Variants in STPG4 observed in about 807,000 individuals in gnomAD.
STPG4 encodes the protein protein STPG4.
A neutral mutation model predicts 31.5 loss-of-function variants in STPG4; 41 were observed. That is an observed-to-expected ratio of 1.30 (90% CI 1.01 to 1.69). The LOEUF (loss-of-function observed/expected upper bound fraction) is 1.69. Ranked by LOEUF, STPG4 falls within the 40% of genes most tolerant of loss-of-function variation. The pLI is 0.00. For missense variants in STPG4, 375 were observed against 293.4 expected, an observed-to-expected ratio of 1.28 and a Z score of -2.03; for synonymous variants, 141 against 103.0, an observed-to-expected ratio of 1.37 and a Z score of -2.24.
chr2:47,094,471 G>T (rs2103729380), intron 5 of STPG4, among the ~76,000 whole-genome samples: 1 of 152,258 alleles, frequency 6.6e-6, no homozygotes, highest in East Asian at 1.9e-4. Context: ...ATTTAATTGT[G>T]CTTTTATTTG....
chr2:47,124,275 G>A (rs946188851), intron 5 of STPG4, among the ~76,000 whole-genome samples: 1 of 152,084 alleles, frequency 6.6e-6, no homozygotes, highest in East Asian at 1.9e-4. Flanking sequence ...GTGAGCCACC[G>A]TGCCCAGCCA....
chr2:47,143,139 G>A (rs930969158), intron 3 of STPG4, among the ~76,000 whole-genome samples: 3 of 152,006 alleles, frequency 2.0e-5, no homozygotes, highest in Admixed American at 1.3e-4. Context: ...CTCAACATTT[G>A]TAATGGTTGC....
intron 6 of STPG4, among the ~76,000 whole-genome samples, chr2:47,087,891 G>C (rs1397306642): frequency 6.6e-6 from 1 of 151,972 alleles, no homozygotes; most frequent in Non-Finnish European, 1.5e-5. Flanking sequence ...TGGGATTACA[G>C]GTGCCCGCCA....
intron 2 of STPG4, among the ~76,000 whole-genome samples, chr2:47,152,553 C>T (rs1207007449): frequency 6.6e-6 from 1 of 152,166 alleles, no homozygotes; most frequent in African/African-American, 2.4e-5. Flanking sequence ...CATATATTAC[C>T]ATTTTGCTTT....
At chr2:47,099,773 C>A (rs772399913) in intron 5 of STPG4, among the ~76,000 whole-genome samples, 1 of 152,248 alleles carries the variant, frequency 6.6e-6, no homozygotes, top group Non-Finnish European at 1.5e-5. Flanking sequence ...GTGGCGCTTG[C>A]GGGCCAGCTG....
At chr2:47,088,431 A>G (rs1685503469) in intron 6 of STPG4, among the ~76,000 whole-genome samples, 1 of 152,222 alleles carries the variant, frequency 6.6e-6, no homozygotes, top group Non-Finnish European at 1.5e-5. Flanking sequence ...CAAGGGTTTT[A>G]GAGTCCAACA....
At chr2:47,129,430 G>T (rs1056436922) in intron 5 of STPG4, 3 of 157,612 alleles carry the variant, frequency 1.9e-5, no homozygotes, top group African/African-American at 7.2e-5. Flanking sequence ...TCAGCCCACA[G>T]TGGTAGGGAG....
At chr2:47,115,809 T>G (rs1355024206) in intron 5 of STPG4, among the ~76,000 whole-genome samples, 1 of 152,078 alleles carries the variant, frequency 6.6e-6, no homozygotes, top group Non-Finnish European at 1.5e-5. Context: ...CACGCTGCCA[T>G]GCACGACTAA....
At chr2:47,129,883 G>C (rs373804928) in intron 5 of STPG4, 58 bp downstream of exon 5, 28 of 1,594,664 alleles carry the variant, frequency 1.8e-5, no homozygotes, top group East Asian at 4.5e-5. Context: ...ACTCCAGAAA[G>C]CACAGCGTAT....
chr2:47,127,879 G>C (rs764254679), intron 5 of STPG4, among the ~76,000 whole-genome samples: 1 of 152,200 alleles, frequency 6.6e-6, no homozygotes, highest in South Asian at 2.1e-4. Flanking sequence ...TTTACTAGAT[G>C]GTCTTGATAC....
intron 5 of STPG4, among the ~76,000 whole-genome samples, chr2:47,103,551 G>A (rs577299736): frequency 6.6e-6 from 1 of 151,946 alleles, no homozygotes; most frequent in Non-Finnish European, 1.5e-5. Flanking sequence ...ACAAACCTTG[G>A]TGGTTCAGAG....
chr2:47,098,604 A>G (rs1685725255), intron 5 of STPG4, among the ~76,000 whole-genome samples: 1 of 152,194 alleles, frequency 6.6e-6, no homozygotes, highest in Non-Finnish European at 1.5e-5. Context: ...TATATTGAAA[A>G]GAGAAAGGGT....
intron 5 of STPG4, among the ~76,000 whole-genome samples, chr2:47,117,641 G>A (rs1360528585): frequency 6.6e-6 from 1 of 152,182 alleles, no homozygotes; most frequent in Non-Finnish European, 1.5e-5. Context: ...GTGTGCTTGC[G>A]TGTATACACA....
chr2:47,110,930 T>C (rs1374805877), intron 5 of STPG4, among the ~76,000 whole-genome samples: 1 of 152,254 alleles, frequency 6.6e-6, no homozygotes, highest in Non-Finnish European at 1.5e-5. Context: ...GCTACTGTTA[T>C]CTTGCTACTA....
chr2:47,150,742 C>T (rs976048803), intron 3 of STPG4, among the ~76,000 whole-genome samples: 1 of 151,798 alleles, frequency 6.6e-6, no homozygotes, highest in African/African-American at 2.4e-5. Flanking sequence ...ACCTCAGCTT[C>T]CAGAGTAGTT....
At position 47,107,459 on chromosome 2, in the gene STPG4, C is replaced by T. The variant is rs560797820; in HGVS notation, c.520-17085G>A. 9.8e-5 allele frequency among the ~76,000 whole-genome samples: 15 copies of T among 152,320 alleles called. No homozygotes were observed. The East Asian group carries it at 2.7e-3, about 27-fold the overall frequency. On this transcript the variant is annotated intron_variant, in intron 5 of 6. Coordinates refer to ENST00000445927, the MANE Select transcript of STPG4 (RefSeq NM_001163561.2). ...GCAGAGGGTGTACTGGGTCCCCCAG[C>T]AGTGCCAGCCCACCAGTGCTGCGCT...
At chr2:47,096,229 G>A (rs948364408) in intron 5 of STPG4, among the ~76,000 whole-genome samples, 2 of 152,196 alleles carry the variant, frequency 1.3e-5, no homozygotes, top group African/African-American at 4.8e-5. Context: ...ACAGTGTGGG[G>A]AGTATCACAC....
chr2:47,106,209 T>C (rs1258561663), intron 5 of STPG4, among the ~76,000 whole-genome samples: 2 of 151,960 alleles, frequency 1.3e-5, no homozygotes, highest in African/African-American at 4.8e-5. Context: ...AATTTCTGTC[T>C]ACCCAGCCAA....
At chr2:47,090,668 A>G (rs1685553127) in intron 5 of STPG4, among the ~76,000 whole-genome samples, 1 of 152,136 alleles carries the variant, frequency 6.6e-6, no homozygotes, top group African/African-American at 2.4e-5. Flanking sequence ...CTCCCAGCCC[A>G]CACTCAGGTC....
Sources: gnomAD v4.1 joint callset for allele counts (sites outside exome capture counted in the v4.1 genomes callset) on GRCh38, gnomAD v4.1.1 for gene constraint, MANE v1.5 for transcripts, NCBI Gene and HGNC (gene_info 2026-07-23, HGNC 2026-07-21) for gene names.